The following NT5M variants were observed in gnomAD, a reference collection of about 807,000 sequenced individuals.
NT5M encodes 5',3'-nucleotidase, mitochondrial, also known as 5'(3')-deoxyribonucleotidase, mitochondrial.
NT5M carries 22 observed loss-of-function variants against 22.2 expected under a neutral mutation model. The observed-to-expected ratio is 0.99, with a 90% CI of 0.71 to 1.41. NT5M has a LOEUF of 1.41. Among genes scored for constraint, NT5M ranks in the 40% most tolerant of loss-of-function variants. The pLI, the probability that NT5M is intolerant of heterozygous loss-of-function variation, is 0.00. For missense variants in NT5M, 322 were observed against 314.8 expected, an observed-to-expected ratio of 1.02 and a Z score of -0.17; for synonymous variants, 167 against 133.0, an observed-to-expected ratio of 1.26 and a Z score of -1.76.
chr17:17,340,024 T>A (rs546552202), intron 3 of NT5M, among the ~76,000 whole-genome samples: 1 of 152,252 alleles, frequency 6.6e-6, no homozygotes, highest in Admixed American at 6.5e-5. Context: ...TATTCCTTCC[T>A]TCTGTATATT....
intron 3 of NT5M, among the ~76,000 whole-genome samples, chr17:17,336,358 C>T (rs1360870454): frequency 1.3e-5 from 2 of 151,930 alleles, no homozygotes; most frequent in Admixed American, 6.6e-5. Context: ...CTAGATACTC[C>T]TCCACTCCCC....
At chr17:17,340,170 G>A (rs1025304567) in intron 3 of NT5M, among the ~76,000 whole-genome samples, 2 of 152,002 alleles carry the variant, frequency 1.3e-5, no homozygotes, top group African/African-American at 4.8e-5. Flanking sequence ...CTTGTTATTG[G>A]TCTGTTTGTT....
chr17:17,323,810 T>C (rs2049207522), intron 3 of NT5M, among the ~76,000 whole-genome samples: 1 of 152,156 alleles, frequency 6.6e-6, no homozygotes, highest in African/African-American at 2.4e-5. Flanking sequence ...CCCCTCCTGC[T>C]CTGGGGGCGT....
chr17:17,310,876 C>T (rs1158711526), intron 2 of NT5M, among the ~76,000 whole-genome samples: 4 of 152,012 alleles, frequency 2.6e-5, no homozygotes, highest in East Asian at 1.9e-4. Flanking sequence ...GAAAAAGATT[C>T]GGCTGAGCAC....
At chr17:17,328,763 C>G (rs1186286620) in intron 3 of NT5M, among the ~76,000 whole-genome samples, 1 of 152,132 alleles carries the variant, frequency 6.6e-6, no homozygotes, top group African/African-American at 2.4e-5. Context: ...GCTGTGAGGT[C>G]TCTCACTTTA....
At chr17:17,337,280 A>G (rs1452288334) in intron 3 of NT5M, among the ~76,000 whole-genome samples, 1 of 152,084 alleles carries the variant, frequency 6.6e-6, no homozygotes, top group Non-Finnish European at 1.5e-5. Context: ...CTCGCTCTGT[A>G]GCTCAGGCTG....
rs1173004367 is a variant in NT5M, at chr17:17,315,744, G to GTTTTTTTTTT, written c.369-7434_369-7433insTTTTTTTTTT. On this transcript the variant is annotated intron_variant, in intron 2 of 4. Coordinates refer to ENST00000389022, the MANE Select transcript of NT5M (RefSeq NM_020201.4). ...AGAGATTGATGTGATCTAACTTAGG[G>GTTTTTTTTTT]TTTTTTTGTTTTTTTTTTTTTTTTT... is the stretch of plus-strand genomic sequence containing the variant. Among the ~76,000 whole-genome samples the GTTTTTTTTTT allele has an allele frequency of 8.9e-5, 6 of 67,714 alleles. 1 individual carries two copies. The highest frequency in any genetic ancestry group is 1.9e-4 in the Admixed American group (1 of 5,142). The allele number at this position is 67,714 out of a possible 152,430, so 44.4% of individuals were successfully genotyped here.
intron 3 of NT5M, among the ~76,000 whole-genome samples, chr17:17,339,080 G>GTA (rs2049586589): frequency 6.6e-6 from 1 of 152,282 alleles, no homozygotes; most frequent in Admixed American, 6.5e-5. Flanking sequence ...GCTTTGGGTA[G>GTA]TATGAACATT....
At chr17:17,303,959 G>A in intron 1 of NT5M, 142 bp downstream of exon 1, 1 of 1,257,084 alleles carries the variant, frequency 8.0e-7, no homozygotes, top group Non-Finnish European at 1.0e-6. Flanking sequence ...GGGGGACTAG[G>A]GGCCACAGCG....
intron 3 of NT5M, among the ~76,000 whole-genome samples, chr17:17,336,991 C>G (rs1014687850): frequency 2.6e-5 from 4 of 151,762 alleles, no homozygotes; most frequent in African/African-American, 9.7e-5. Flanking sequence ...TACTGATTTC[C>G]TTTTTTTTAG....
At chr17:17,320,825 G>C (rs2049136613) in intron 2 of NT5M, among the ~76,000 whole-genome samples, 1 of 152,182 alleles carries the variant, frequency 6.6e-6, no homozygotes, top group Admixed American at 6.5e-5. Context: ...CTAGGACCCA[G>C]GATAGGGGAG....
At chr17:17,345,391 G>A in intron 4 of NT5M, 1 of 468,524 alleles carries the variant, frequency 2.1e-6, no homozygotes, top group Non-Finnish European at 2.8e-6. Flanking sequence ...AGGAGAGGGA[G>A]ATGGGCGTGG....
chr17:17,341,871 A>G (rs2049649665), intron 3 of NT5M, among the ~76,000 whole-genome samples: 1 of 152,178 alleles, frequency 6.6e-6, no homozygotes, highest in Non-Finnish European at 1.5e-5. Context: ...TCTACTAAAA[A>G]TACAAAGAAC....
intron 3 of NT5M, among the ~76,000 whole-genome samples, chr17:17,330,745 T>TC (rs199632713): frequency 0.051 from 6,473 of 127,448 alleles, 141 homozygotes; most frequent in South Asian, 0.082. Flanking sequence ...TTTCTTTCTT[T>TC]TTTTTTTTTT....
At chr17:17,319,319 G>C (rs2049102913) in intron 2 of NT5M, among the ~76,000 whole-genome samples, 1 of 152,140 alleles carries the variant, frequency 6.6e-6, no homozygotes, top group Non-Finnish European at 1.5e-5. Context: ...TGCTTAATGG[G>C]AATGGGGCTT....
rs528239155 is a variant in NT5M at position 17,338,917 on chromosome 17, C to T, written c.430-5877C>T. ...AATTTTTTGTATTTTTTAGTAGAGACGGGGTTTCACTGTGTTAGCCAGGAT... is the reference window on the plus strand; with the variant it reads ...AATTTTTTGTATTTTTTAGTAGAGATGGGGTTTCACTGTGTTAGCCAGGAT... On this transcript the variant is annotated intron_variant, in intron 3 of 4. Transcript: ENST00000389022. Among the ~76,000 whole-genome samples the T allele has an allele frequency of 7.8e-4, 118 of 151,800 alleles. 1 individual carries two copies. The highest frequency in any genetic ancestry group is 1.5e-3 in the Non-Finnish European group (102 of 67,914).
chr17:17,346,342 G>T (rs972037417), intron 4 of NT5M, among the ~76,000 whole-genome samples: 2 of 152,258 alleles, frequency 1.3e-5, no homozygotes, highest in Non-Finnish European at 2.9e-5. Context: ...TGGAGAGGCT[G>T]CAGGGGCCTG....
intron 3 of NT5M, among the ~76,000 whole-genome samples, chr17:17,326,659 G>A (rs932258708): frequency 6.6e-6 from 1 of 152,190 alleles, no homozygotes; most frequent in Non-Finnish European, 1.5e-5. Flanking sequence ...AGGAGAGGGA[G>A]GCCCATCAGC....
At chr17:17,337,088 T>G (rs2049530377) in intron 3 of NT5M, among the ~76,000 whole-genome samples, 1 of 152,234 alleles carries the variant, frequency 6.6e-6, no homozygotes. Context: ...TTTTATTTTC[T>G]TCTTGTCCTC....
Sources: allele counts gnomAD v4.1 joint callset (sites outside exome capture counted in the v4.1 genomes callset), GRCh38; gene constraint gnomAD v4.1.1; transcripts MANE v1.5; gene names NCBI Gene and HGNC (gene_info 2026-07-23, HGNC 2026-07-21).